Variants in LRP8 observed in about 807,000 individuals in gnomAD.
LRP8 encodes the protein low-density lipoprotein receptor-related protein 8.
A neutral mutation model predicts 111.6 loss-of-function variants in LRP8; 46 were observed. The ratio of observed to expected loss-of-function variants is 0.41; its 90% CI spans 0.33 to 0.53. The LOEUF (loss-of-function observed/expected upper bound fraction) is 0.53, where lower values mean the gene tolerates loss of function less well. LRP8 is among the 20% of genes least tolerant of loss of function. The probability of loss-of-function intolerance (pLI) is 0.20; values close to 1 mark genes in which losing one functional copy is unlikely to be tolerated. For synonymous variants in LRP8, 464 were observed against 511.2 expected, an observed-to-expected ratio of 0.91 and a Z score of 1.24; for missense variants, 959 against 1,297.4, an observed-to-expected ratio of 0.74 and a Z score of 4.01.
chr1:53,289,425 T>C (rs1648212163), intron 3 of LRP8, 142 bp downstream of exon 3: 3 of 1,161,168 alleles, frequency 2.6e-6, no homozygotes, highest in Non-Finnish European at 3.5e-6. Flanking sequence ...AGCAACTAAA[T>C]ATATCTGTTT....
intron 2 of LRP8, among the ~76,000 whole-genome samples, chr1:53,296,416 G>C (rs1284421103): frequency 6.6e-6 from 1 of 152,244 alleles, no homozygotes; most frequent in East Asian, 1.9e-4. Flanking sequence ...TCCCAGGCCT[G>C]GGCCAGCACA....
chr1:53,309,202 G>A (rs1014061256), intron 2 of LRP8, among the ~76,000 whole-genome samples: 3 of 152,196 alleles, frequency 2.0e-5, no homozygotes, highest in African/African-American at 7.2e-5. Flanking sequence ...TTGAACTCAG[G>A]AGGCGGAGGT....
At chr1:53,259,108 A>G (rs1646227368) in intron 13 of LRP8, among the ~76,000 whole-genome samples, 2 of 151,768 alleles carry the variant, frequency 1.3e-5, no homozygotes, top group Non-Finnish European at 2.9e-5. Flanking sequence ...TACTTTTTCA[A>G]TTTTTTTTAT....
intron 2 of LRP8, among the ~76,000 whole-genome samples, chr1:53,323,722 C>CT (rs751501381): frequency 6.6e-6 from 1 of 152,244 alleles, no homozygotes; most frequent in Non-Finnish European, 1.5e-5. Flanking sequence ...AGGCTCGGGA[C>CT]TTAGAAGGCC....
chr1:53,255,251 A>C, intron 15 of LRP8, 66 bp from the exon 16 acceptor site: 1 of 1,423,348 alleles, frequency 7.0e-7, no homozygotes, highest in Non-Finnish European at 9.8e-7. Flanking sequence ...TACTGGCCTC[A>C]AGTGGTAAGA....
rs1215620721 is a variant in LRP8 at position 53,242,651 on chromosome 1, G to C, written c.*4367C>G. ...AATATGGTAACTTTGGGGTTGGTAG[G>C]GGGAGACAAACAAGGAGAATCCACT... is the stretch of plus-strand genomic sequence containing the variant. On this transcript the variant is annotated 3_prime_UTR_variant, in exon 19 of 19. Transcript: ENST00000306052. 6.6e-6 allele frequency: 1 copy of C among 152,052 alleles called. No homozygotes were observed. Among genetic ancestry groups the C allele is most frequent in the Non-Finnish European group, 1.5e-5 (1 of 68,016 alleles). The allele number at this position is 152,052 out of a possible 1,614,324, so 9.4% of individuals were successfully genotyped here.
Position 53,264,205 on chromosome 1 carries a change from C to G in LRP8, c.1619G>C (p.Ser540Thr). The G allele has an allele frequency of 6.2e-7, 1 of 1,614,188 alleles. No homozygotes were observed. The highest frequency in any genetic ancestry group is 1.3e-5 in the African/African-American group (1 of 75,040). Residue 540 changes from serine to threonine, a missense_variant, in exon 10 of 19, where the codon AGT (serine) becomes ACT (threonine). Transcript: ENST00000306052. ...GTCAACAGCGATGGCCCGGGGTTCA[C>G]TGAGGTTACGGCTGAAGAGAGTGCG... ...RRRTLFSRNL[S>T]EPRAIAVDPL... is the part of the protein sequence containing the mutation.
Position 53,258,485 on chromosome 1 carries a change from G to A in LRP8, c.2057-14C>T. The A allele has an allele frequency of 6.2e-7, 1 of 1,613,162 alleles. No homozygotes were observed. The highest frequency in any genetic ancestry group is 8.5e-7 in the Non-Finnish European group (1 of 1,179,536). On this transcript the variant is annotated splice_polypyrimidine_tract_variant and intron_variant, in intron 13 of 18. Transcript: ENST00000306052. ...AGGCATCTGGAGCTAATGGCAGAGAGGGAGACAGCTGGGGCACAGACAGGA... is the reference window on the plus strand; with the variant it reads ...AGGCATCTGGAGCTAATGGCAGAGAAGGAGACAGCTGGGGCACAGACAGGA...
chr1:53,276,989 T>A lies in LRP8; in HGVS notation c.586A>T (p.Ser196Cys). 6.6e-7 allele frequency: 1 copy of A among 1,513,256 alleles called. No individual in the cohort carries two copies. Among genetic ancestry groups the A allele is most frequent in the East Asian group, 2.6e-5 (1 of 38,508 alleles). The allele number at this position is 1,513,256 out of a possible 1,614,324, so 93.7% of individuals were successfully genotyped here. Reference sequence around the variant, plus strand: ...GGGTCTGCACAGCCGCGCTCATCGCTGCCGTCACCACAGTCGTCGTCGCCG... The same window carrying A: ...GGGTCTGCACAGCCGCGCTCATCGCAGCCGTCACCACAGTCGTCGTCGCCG... Reference protein sequence around the residue: ...CDGDDDCGDGSDERGCADPAC... With the variant: ...CDGDDDCGDGCDERGCADPAC... Residue 196 changes from serine (S) to cysteine (C), a missense_variant, in exon 5 of 19, where the codon AGC becomes TGC. Physicochemically the swap from Ser to Cys is moderately radical, Grantham distance 112. Transcript: ENST00000306052.
intron 2 of LRP8, among the ~76,000 whole-genome samples, chr1:53,312,660 TTTTC>T (rs1430318011): frequency 6.6e-6 from 1 of 151,924 alleles, no homozygotes; most frequent in African/African-American, 2.4e-5. Context: ...TGCCTGGCCT[TTTTC>T]TTTGTTTTTA....
At chr1:53,316,456 T>C (rs1455150415) in intron 2 of LRP8, among the ~76,000 whole-genome samples, 1 of 152,208 alleles carries the variant, frequency 6.6e-6, no homozygotes, top group Non-Finnish European at 1.5e-5. Context: ...CCAGTAGATG[T>C]AGGCTCTGCT....
intron 12 of LRP8, among the ~76,000 whole-genome samples, chr1:53,261,664 T>C (rs368420023): frequency 6.6e-6 from 1 of 152,344 alleles, no homozygotes; most frequent in East Asian, 1.9e-4. Flanking sequence ...AATAAAAGTG[T>C]GCAGAATTGA....
In LRP8 at chr1:53,280,824, C is replaced by T. The variant is rs925802425; in HGVS notation, c.368-109G>A. 1.4e-5 allele frequency: 19 copies of T among 1,352,256 alleles called. No homozygotes were observed. The South Asian group carries it at 2.3e-4, about 16-fold the overall frequency. 83.8% of individuals were successfully genotyped at this position (1,352,256 alleles called of 1,614,324 possible). On this transcript the variant is annotated intron_variant, in intron 3 of 18. Transcript: ENST00000306052. ...CATCTGGTCCAAGGCCCTAGGAGTC[C>T]ATCAGGGCTCTTCTGGCCCATGTCT...
intron 3 of LRP8, among the ~76,000 whole-genome samples, chr1:53,287,319 T>C (rs17378282): frequency 0.044 from 6,661 of 152,294 alleles, 208 homozygotes; most frequent in South Asian, 0.15. Flanking sequence ...TCTTCCGCCT[T>C]GCCTACACCG....
intron 6 of LRP8, chr1:53,274,758 T>A (rs1176694410): frequency 2.2e-6 from 1 of 456,302 alleles, no homozygotes; most frequent in Non-Finnish European, 4.4e-6. Flanking sequence ...TCACACACTT[T>A]CCCGCCGTCC....
At chr1:53,290,133 T>C (rs1648407538) in intron 2 of LRP8, among the ~76,000 whole-genome samples, 1 of 152,218 alleles carries the variant, frequency 6.6e-6, no homozygotes, top group Admixed American at 6.5e-5. Context: ...TCATGAATCC[T>C]ACACATAGAT....
At chr1:53,278,046 A>T (rs1308007959) in intron 4 of LRP8, among the ~76,000 whole-genome samples, 2 of 152,218 alleles carry the variant, frequency 1.3e-5, no homozygotes, top group African/African-American at 4.8e-5. Flanking sequence ...GTCTGAGTTC[A>T]GTGGCCGGGA....
rs557013794 is a variant in LRP8 at position 53,269,968 on chromosome 1, G to A, written c.1252+1060C>T. Among the ~76,000 whole-genome samples the A allele has an allele frequency of 5.3e-5, 8 of 151,500 alleles. No individual in the cohort carries two copies. In the East Asian group the frequency reaches 9.7e-4, roughly 18 times the overall value. ...ATCAATGTGTAGGTCTGCCCAGGTC[G>A]TGCTCTTTGTGTGGACTCCATATGC... On this transcript the variant is annotated intron_variant, in intron 8 of 18. Transcript: ENST00000306052.
intron 3 of LRP8, chr1:53,288,224 G>C (rs1002357): frequency 0.17 from 25,247 of 152,178 alleles, 2,417 homozygotes; most frequent in African/African-American, 0.26. Context: ...TTGTTAGCTG[G>C]GCAGCCTTGG....
Sources: gnomAD v4.1 joint callset for allele counts (sites outside exome capture counted in the v4.1 genomes callset) on GRCh38, gnomAD v4.1.1 for gene constraint, MANE v1.5 for transcripts, NCBI Gene and HGNC (gene_info 2026-07-23, HGNC 2026-07-21) for gene names.